ZMAT4: variants seen among roughly 807,000 people sequenced by gnomAD.
The protein encoded by ZMAT4 is zinc finger matrin-type protein 4.
A neutral mutation model predicts 28.7 loss-of-function variants in ZMAT4; 17 were observed. The observed-to-expected ratio is 0.59, with a 90% confidence interval of 0.41 to 0.89. ZMAT4 has a LOEUF of 0.89. ZMAT4 is among the 40% of genes least tolerant of loss of function. ZMAT4 has a pLI of 0.00. For missense variants in ZMAT4, 240 were observed against 283.8 expected, an observed-to-expected ratio of 0.85 and a Z score of 1.11; for synonymous variants, 117 against 109.2, an observed-to-expected ratio of 1.07 and a Z score of -0.44.
intron 1 of ZMAT4, among the ~76,000 whole-genome samples, chr8:40,833,319 C>T (rs1816353071): frequency 6.6e-6 from 1 of 151,996 alleles, no homozygotes; most frequent in Non-Finnish European, 1.5e-5. Flanking sequence ...CCTGTAATCC[C>T]AGCACTATGA....
chr8:40,575,661 A>G (rs929593572), intron 6 of ZMAT4, among the ~76,000 whole-genome samples: 2 of 151,592 alleles, frequency 1.3e-5, no homozygotes, highest in African/African-American at 4.9e-5. Flanking sequence ...TCTACAGGAA[A>G]AAGTCTTTTC....
intron 3 of ZMAT4, among the ~76,000 whole-genome samples, chr8:40,754,054 C>G (rs1381648962): frequency 6.6e-6 from 1 of 151,912 alleles, no homozygotes; most frequent in Non-Finnish European, 1.5e-5. Flanking sequence ...CGCCTGTAGT[C>G]TCAGCTACTC....
intron 1 of ZMAT4, among the ~76,000 whole-genome samples, chr8:40,864,486 A>ATGCC (rs1373920629): frequency 6.6e-6 from 1 of 152,170 alleles, no homozygotes; most frequent in African/African-American, 2.4e-5. Flanking sequence ...TGTAGGTGGG[A>ATGCC]AAAGATGATT....
At chr8:40,853,851 G>T (rs894373943) in intron 1 of ZMAT4, among the ~76,000 whole-genome samples, 3 of 152,164 alleles carry the variant, frequency 2.0e-5, no homozygotes, top group Non-Finnish European at 2.9e-5. Context: ...GTCTGTATTT[G>T]TCTGTATGAT....
intron 6 of ZMAT4, among the ~76,000 whole-genome samples, chr8:40,534,476 T>A (rs889340953): frequency 1.2e-4 from 19 of 152,096 alleles, no homozygotes; most frequent in African/African-American, 4.6e-4. Flanking sequence ...GGGAAAAAAA[T>A]TCATCACATA....
At chr8:40,850,419 C>A (rs1411898441) in intron 1 of ZMAT4, among the ~76,000 whole-genome samples, 1 of 152,150 alleles carries the variant, frequency 6.6e-6, no homozygotes, top group Non-Finnish European at 1.5e-5. Context: ...CCCCTGCCAA[C>A]ATCATTCTAC....
intron 2 of ZMAT4, among the ~76,000 whole-genome samples, chr8:40,801,535 T>G (rs2150587560): frequency 6.6e-6 from 1 of 151,496 alleles, no homozygotes; most frequent in Admixed American, 6.6e-5. Context: ...CTGGGTGAGG[T>G]GGTGCACACC....
intron 3 of ZMAT4, among the ~76,000 whole-genome samples, chr8:40,756,457 T>TATATATATAC (rs1278110013): frequency 2.6e-5 from 3 of 113,316 alleles, no homozygotes; most frequent in Admixed American, 1.8e-4. Context: ...TATATATATA[T>TATATATATAC]ACACACTTGT....
In ZMAT4 at chr8:40,875,791, C is replaced by T. The variant is rs150144151; in HGVS notation, c.-5+21892G>A. Among the ~76,000 whole-genome samples the T allele has an allele frequency of 6.0e-4, 91 of 152,284 alleles. 1 individual carries two copies. The highest frequency in any genetic ancestry group is 4.8e-3 in the East Asian group (25 of 5,170). Reference sequence around the variant, plus strand: ...AAGACGATGGAGGAGGTCATTGGTCCGCCCTTCTGTGCATCCATCTGGCCC... The same window carrying T: ...AAGACGATGGAGGAGGTCATTGGTCTGCCCTTCTGTGCATCCATCTGGCCC... On this transcript the variant is annotated intron_variant, in intron 1 of 6. Transcript: ENST00000297737.
At chr8:40,659,280 T>C (rs938334418) in intron 5 of ZMAT4, among the ~76,000 whole-genome samples, 13 of 151,362 alleles carry the variant, frequency 8.6e-5, no homozygotes, top group Admixed American at 4.0e-4. Context: ...AGGGCAGGAG[T>C]CAATAAATTT....
chr8:40,870,010 C>T (rs1343531200), intron 1 of ZMAT4, among the ~76,000 whole-genome samples: 1 of 152,122 alleles, frequency 6.6e-6, no homozygotes, highest in Non-Finnish European at 1.5e-5. Flanking sequence ...AATATGCCAC[C>T]CCAAAATACA....
chr8:40,539,821 A>C (rs1802969716), intron 6 of ZMAT4, among the ~76,000 whole-genome samples: 1 of 152,214 alleles, frequency 6.6e-6, no homozygotes, highest in Non-Finnish European at 1.5e-5. Flanking sequence ...TTCCCAAATG[A>C]TAGCAGTATC....
chr8:40,614,103 T>C (rs1430685407), intron 5 of ZMAT4, among the ~76,000 whole-genome samples: 1 of 152,198 alleles, frequency 6.6e-6, no homozygotes, highest in Admixed American at 6.5e-5. Flanking sequence ...CATGGGTCAC[T>C]TTTTATTGCT....
At chr8:40,635,972 A>G (rs1806777475) in intron 5 of ZMAT4, among the ~76,000 whole-genome samples, 1 of 152,184 alleles carries the variant, frequency 6.6e-6, no homozygotes, top group Non-Finnish European at 1.5e-5. Context: ...CTTCAAGAAA[A>G]AGTAGCAGTG....
chr8:40,578,696 A>C (rs1804351635), intron 6 of ZMAT4, among the ~76,000 whole-genome samples: 1 of 152,192 alleles, frequency 6.6e-6, no homozygotes, highest in Admixed American at 6.5e-5. Context: ...AGGCATGTGA[A>C]ACAGGACAGT....
chr8:40,794,019 C>G (rs1165465335), intron 2 of ZMAT4, among the ~76,000 whole-genome samples: 1 of 152,216 alleles, frequency 6.6e-6, no homozygotes, highest in East Asian at 1.9e-4. Flanking sequence ...TGTCCACTTT[C>G]ACCAAAGAGA....
intron 6 of ZMAT4, among the ~76,000 whole-genome samples, chr8:40,578,056 A>G (rs72636927): frequency 0.073 from 11,071 of 152,120 alleles, 538 homozygotes; most frequent in Non-Finnish European, 0.11. Context: ...GGAAACGCAA[A>G]GAGGAAAGAA....
chr8:40,781,027 A>G lies in ZMAT4; in HGVS notation c.103-13297T>C, dbSNP rs559431833. 2.5e-4 allele frequency among the ~76,000 whole-genome samples: 38 copies of G among 152,292 alleles called. No homozygotes were observed. In the South Asian group the frequency reaches 2.9e-3, roughly 12 times the overall value. On this transcript the variant is annotated intron_variant, in intron 2 of 6. Transcript: ENST00000297737. ...TTTGACACTGTAGTGGAGGTTCACA[A>G]CAGGACAATTAAGCAACAAATTGTG...
At chr8:40,569,190 T>G (rs969046385) in intron 6 of ZMAT4, among the ~76,000 whole-genome samples, 1 of 152,126 alleles carries the variant, frequency 6.6e-6, no homozygotes, top group African/African-American at 2.4e-5. Flanking sequence ...AGAGAAGTGA[T>G]AAATAACTGA....
Sources: gnomAD v4.1 joint callset for allele counts (sites outside exome capture counted in the v4.1 genomes callset) on GRCh38, gnomAD v4.1.1 for gene constraint, MANE v1.5 for transcripts, NCBI Gene and HGNC (gene_info 2026-07-23, HGNC 2026-07-21) for gene names.